Variants in SLC5A10 observed in about 807,000 individuals in gnomAD.
SLC5A10 encodes the protein solute carrier family 5 member 10, also known as sodium/mannose cotransporter SLC5A10.
A neutral mutation model predicts 68.9 loss-of-function variants in SLC5A10; 55 were observed. That is an observed-to-expected ratio of 0.80 (90% CI 0.64 to 1.00). The LOEUF (loss-of-function observed/expected upper bound fraction) is 1.00, where lower values mean the gene tolerates loss of function less well. Among genes scored for constraint, SLC5A10 ranks in the 50% least tolerant of loss-of-function variants. The pLI is 0.00. For synonymous variants in SLC5A10, 344 were observed against 344.8 expected, an observed-to-expected ratio of 1.00 and a Z score of 0.02; for missense variants, 732 against 819.3, an observed-to-expected ratio of 0.89 and a Z score of 1.30.
chr17:18,959,265 G>T, intron 3 of SLC5A10, 26 bp downstream of exon 3: 1 of 1,607,844 alleles, frequency 6.2e-7, no homozygotes. Context: ...CTGGCGGCCT[G>T]TGGGAGGGCC....
intron 3 of SLC5A10, 126 bp from the exon 4 acceptor site, chr17:18,959,478 G>A (rs2042570107): frequency 1.8e-6 from 2 of 1,099,326 alleles, no homozygotes; most frequent in East Asian, 4.8e-5. Context: ...AGGATCTCAT[G>A]GCAAGTCAGG....
chr17:18,960,608 C>G lies in SLC5A10; in HGVS notation c.409C>G (p.Leu137Val), dbSNP rs1480102587. The part of the protein sequence containing the change: ...RYGGQRIRMY[L>V]SVLSLLLSVF... ...CGGGGGCCAGCGGATCCGCATGTAC[C>G]TGTCTGTCCTGTCCCTGCTACTGTC... is the stretch of plus-strand genomic sequence containing the variant. The change falls in exon 5 of 15, where the codon CTG (leucine) becomes GTG (valine). Residue 137 changes from leucine to valine, a missense_variant. By Grantham distance (32) the Leu-to-Val change is conservative (BLOSUM62 1). Coordinates refer to ENST00000395645, the MANE Select transcript of SLC5A10 (RefSeq NM_001042450.4). 6.8e-6 allele frequency: 11 copies of G among 1,614,026 alleles called. No homozygotes were observed. In the East Asian group the frequency reaches 2.4e-4, roughly 36 times the overall value.
Position 19,003,573 on chromosome 17 carries a change from C to T in SLC5A10, c.983-9837C>T. On this transcript the variant is annotated intron_variant, in intron 9 of 14. Transcript: ENST00000395645. This position sits in a 1 kb window ranked among gnomAD's most constrained non-coding sequence, Gnocchi z 4.5. Reference sequence around the variant, plus strand: ...ACCACCTCTTTGATGTGGGCCTGCCCGTCTATGGGGGGCTGCATGTAGACG... The same window carrying T: ...ACCACCTCTTTGATGTGGGCCTGCCTGTCTATGGGGGGCTGCATGTAGACG... 6.3e-7 allele frequency: 1 copy of T among 1,585,868 alleles called. No homozygotes were observed. Among genetic ancestry groups the T allele is most frequent in the Non-Finnish European group, 8.6e-7 (1 of 1,165,734 alleles).
chr17:18,992,898 C>A (rs550951288), intron 9 of SLC5A10, among the ~76,000 whole-genome samples: 2 of 152,332 alleles, frequency 1.3e-5, no homozygotes, highest in South Asian at 4.1e-4. Context: ...CCTCCCCACA[C>A]AGCTCCTGCC....
rs978477753 is a variant in SLC5A10 at position 18,971,987 on chromosome 17, A to G, written c.846+769A>G. ...TAGCAAGGCAGCTTCCTCCCAGCTCACCCCCGCAGCCTCCTCTATTCCGAC... is the reference window on the plus strand; with the variant it reads ...TAGCAAGGCAGCTTCCTCCCAGCTCGCCCCCGCAGCCTCCTCTATTCCGAC... On this transcript the variant is annotated intron_variant, in intron 8 of 14. Coordinates refer to ENST00000395645, the MANE Select transcript of SLC5A10 (RefSeq NM_001042450.4). This position sits in a 1 kb window ranked among gnomAD's most constrained non-coding sequence, Gnocchi z 5.5. 1.3e-4 allele frequency among the ~76,000 whole-genome samples: 19 copies of G among 151,824 alleles called. No individual in the cohort carries two copies. The highest frequency in any genetic ancestry group is 4.6e-4 in the African/African-American group (19 of 41,324).
At chr17:19,016,117 C>T (rs2044133920) in intron 11 of SLC5A10, among the ~76,000 whole-genome samples, 1 of 151,542 alleles carries the variant, frequency 6.6e-6, no homozygotes, top group Admixed American at 6.6e-5. Flanking sequence ...ATGATCTTGG[C>T]TCCCTGCGAC....
chr17:18,977,906 T>C (rs1481672038), intron 9 of SLC5A10: 3 of 1,610,560 alleles, frequency 1.9e-6, no homozygotes, highest in South Asian at 1.1e-5. Flanking sequence ...GAGGGTTACG[T>C]AGTCGTCATC....
intron 11 of SLC5A10, among the ~76,000 whole-genome samples, chr17:19,016,634 T>G (rs1023624304): frequency 6.6e-6 from 1 of 151,704 alleles, no homozygotes; most frequent in African/African-American, 2.4e-5. Flanking sequence ...CAGAGGCGGG[T>G]GCGAGTGAGC....
At position 18,968,928 on chromosome 17, in the gene SLC5A10, G is replaced by A. The variant is rs933556332; in HGVS notation, c.454-124G>A. ...GTGATGCAGGCAGGCAGGCGAGTGG[G>A]GGTCTCCCCTCCTTATCCACAGGCC... On this transcript the variant is annotated intron_variant, in intron 5 of 14. Coordinates refer to ENST00000395645, the MANE Select transcript of SLC5A10 (RefSeq NM_001042450.4). The surrounding 1 kb of genome is among the most constrained non-coding windows in gnomAD (Gnocchi z 4.1). 3 of 809,288 alleles carry A rather than the reference G, an allele frequency of 3.7e-6. No individual in the cohort carries two copies. Among genetic ancestry groups the A allele is most frequent in the Admixed American group, 2.9e-5 (1 of 34,606 alleles). The allele number at this position is 809,288 out of a possible 1,614,324, so 50.1% of individuals were successfully genotyped here. A position where few individuals can be genotyped will look rare whatever the true frequency, so the allele number is the denominator to read the frequency against.
upstream of SLC5A10, chr17:18,950,812 T>G (rs2042358083): frequency 2.4e-6 from 1 of 410,964 alleles, no homozygotes. Context: ...ACCTCCTGAG[T>G]TCAAGCAATT....
intron 1 of SLC5A10, among the ~76,000 whole-genome samples, chr17:18,956,128 A>G (rs2042494605): frequency 6.6e-6 from 1 of 152,238 alleles, no homozygotes; most frequent in Non-Finnish European, 1.5e-5. Context: ...CGGGAGGCAG[A>G]GGTTGCGGTG....
rs1257322889 is a variant in SLC5A10 at position 19,000,811 on chromosome 17, G to A, written c.983-12599G>A. Among the ~76,000 whole-genome samples, 7 of 152,160 alleles carry A rather than the reference G, an allele frequency of 4.6e-5. No homozygotes were observed. In the East Asian group the frequency reaches 9.6e-4, roughly 21 times the overall value. ...GCACGAGAGGTGATTCATGGGGAGAGATAAGGCAGGGAGCGCTCCCAGGAA... is the reference window on the plus strand; with the variant it reads ...GCACGAGAGGTGATTCATGGGGAGAAATAAGGCAGGGAGCGCTCCCAGGAA... On this transcript the variant is annotated intron_variant, in intron 9 of 14. Transcript: ENST00000395645. The surrounding 1 kb of genome is among the most constrained non-coding windows in gnomAD (Gnocchi z 5.2).
In SLC5A10 at chr17:18,969,098, G is replaced by A. The variant is rs1296405873; in HGVS notation, c.500G>A (p.Trp167Ter). 4 of 1,614,012 alleles carry A rather than the reference G, an allele frequency of 2.5e-6. No homozygotes were observed. Among genetic ancestry groups the A allele is most frequent in the East Asian group, 2.2e-5 (1 of 44,894 alleles). The change falls in exon 6 of 15, where the codon TGG becomes TAG. Residue 167 changes from tryptophan (W) to a stop codon, truncating the protein, a stop_gained. Coordinates refer to ENST00000395645, the MANE Select transcript of SLC5A10 (RefSeq NM_001042450.4). LOFTEE classifies it high-confidence loss of function. The stretch of plus-strand genomic sequence containing the variant: ...CTGTTTGTGCACATCTGCCTGGGCT[G>A]GAACTTCTACCTCTCCACCATCCTC... ...GALFVHICLG[W>*]NFYLSTILTL...
rs186981957 is a variant in SLC5A10 at position 18,971,463 on chromosome 17, G to T, written c.846+245G>T. The T allele has an allele frequency of 1.7e-5, 28 of 1,614,004 alleles. No individual in the cohort carries two copies. The highest frequency in any genetic ancestry group is 2.4e-5 in the Non-Finnish European group (28 of 1,180,042). On this transcript the variant is annotated intron_variant, in intron 8 of 14. Coordinates refer to ENST00000395645, the MANE Select transcript of SLC5A10 (RefSeq NM_001042450.4). The surrounding 1 kb of genome is among the most constrained non-coding windows in gnomAD (Gnocchi z 5.5). ...GCCTTTAGGTGCTTCGACTGAGACA[G>T]TTTGGAGTATGGGATTCCGAAGGGA...
chr17:18,959,465 C>A, intron 3 of SLC5A10, 139 bp from the exon 4 acceptor site: 1 of 1,015,316 alleles, frequency 9.8e-7, no homozygotes, highest in South Asian at 1.4e-5. Context: ...GAAGGAGCCA[C>A]CCAGGATCTC....
At chr17:18,983,097 A>G (rs1414370974) in intron 9 of SLC5A10, among the ~76,000 whole-genome samples, 1 of 152,182 alleles carries the variant, frequency 6.6e-6, no homozygotes, top group Admixed American at 6.5e-5. Flanking sequence ...GGAGGCCAGG[A>G]CTGTCAGCCG....
Position 18,960,637 on chromosome 17 carries a change from CTT to C in SLC5A10, c.439_440del (p.Phe147HisfsTer69). The C allele has an allele frequency of 3.7e-6, 6 of 1,614,062 alleles. No homozygotes were observed. The highest frequency in any genetic ancestry group is 5.1e-6 in the Non-Finnish European group (6 of 1,179,944). On this transcript the variant is annotated frameshift_variant, in exon 5 of 15. Transcript: ENST00000395645. LOFTEE classifies it high-confidence loss of function. ...CTGTCCTGTCCCTGCTACTGTCTGTCTTCACCAAGATATCGGTGAGCTGCCCC... is the reference window on the plus strand; with the variant it reads ...CTGTCCTGTCCCTGCTACTGTCTGTCCACCAAGATATCGGTGAGCTGCCCC... ...LSVLSLLLSV[F>X]TKISLDLYAG... is the part of the protein sequence containing the mutation.
chr17:18,972,931 C>G (rs2042891837), intron 8 of SLC5A10, among the ~76,000 whole-genome samples: 1 of 152,122 alleles, frequency 6.6e-6, no homozygotes, highest in African/African-American at 2.4e-5. Context: ...AAGGCTGGGC[C>G]TCAGTTTCCC....
Position 18,969,366 on chromosome 17 carries a change from C to T in SLC5A10, c.584C>T (p.Thr195Met), listed in dbSNP as rs762933035. The stretch of plus-strand genomic sequence containing the variant: ...GGGGGCCTGGCTGCTGTAATCTACA[C>T]GGACGCCCTGCAGACGCTCATCATG... ...IAGGLAAVIY[T>M]DALQTLIMVV... is the part of the protein sequence containing the mutation. Residue 195 changes from threonine to methionine, a missense_variant, in exon 7 of 15, where the codon ACG (threonine) becomes ATG (methionine). Coordinates refer to ENST00000395645, the MANE Select transcript of SLC5A10 (RefSeq NM_001042450.4). The T allele has an allele frequency of 1.9e-5, 30 of 1,613,542 alleles. 2 individuals are homozygous for T. Among genetic ancestry groups the T allele is most frequent in the Admixed American group, 3.3e-5 (2 of 60,004 alleles).
Sources: allele counts gnomAD v4.1 joint callset (sites outside exome capture counted in the v4.1 genomes callset), GRCh38; gene constraint gnomAD v4.1.1; non-coding constraint Gnocchi (gnomAD v3.1); transcripts MANE v1.5; gene names NCBI Gene and HGNC (gene_info 2026-07-23, HGNC 2026-07-21).